The following DNMT3A variants were observed in gnomAD, a reference collection of about 807,000 sequenced individuals.
DNMT3A encodes the protein DNA methyltransferase 3 alpha.
DNMT3A carries 267 observed loss-of-function variants against 117.6 expected under a neutral mutation model. The observed-to-expected ratio is 2.27, with a 90% CI of 2.05 to 2.51. DNMT3A has a LOEUF of 2.51. Ranked by LOEUF, DNMT3A falls within the 30% of genes most tolerant of loss-of-function variation. The probability of loss-of-function intolerance (pLI) is 0.00; values close to 1 mark genes in which losing one functional copy is unlikely to be tolerated. For missense variants in DNMT3A, 1,029 were observed against 1,260.2 expected (o/e 0.82, Z 2.78); for synonymous variants, 432 against 474.8 (o/e 0.91, Z 1.17).
chr2:25,245,397 G>T, intron 12 of DNMT3A, 65 bp from the exon 13 acceptor site: 1 of 1,449,714 alleles, frequency 6.9e-7, no homozygotes, highest in Non-Finnish European at 9.5e-7. Flanking sequence ...CCGGGCCGGA[G>T]CCCAGCACCA....
Position 25,247,523 on chromosome 2 carries a change from C to A in DNMT3A, c.1014+68G>T. 1.3e-6 allele frequency: 2 copies of A among 1,579,428 alleles called. No individual in the cohort carries two copies. Among genetic ancestry groups the A allele is most frequent in the Non-Finnish European group, 8.6e-7 (1 of 1,160,780 alleles). On this transcript the variant is annotated intron_variant, in intron 8 of 22. Transcript: ENST00000321117. The surrounding 1 kb of genome is among the most constrained non-coding windows in gnomAD (Gnocchi z 5.6). ...ACCCCAATTCCAGACTGCCCCCAGC[C>A]AAAACCACAGGCCCTGGGATCAAGA...
intron 1 of DNMT3A, among the ~76,000 whole-genome samples, chr2:25,333,367 T>C (rs893929274): frequency 1.3e-5 from 2 of 151,668 alleles, no homozygotes; most frequent in African/African-American, 4.8e-5. Flanking sequence ...TCTCACTCTG[T>C]CGCCCAGGCT....
rs145465364 is a variant in DNMT3A, at chr2:25,246,051, G to C, written c.1443C>G (p.Tyr481Ter). The C allele has an allele frequency of 1.9e-6, 3 of 1,614,116 alleles. No individual in the cohort carries two copies. The highest frequency in any genetic ancestry group is 1.7e-5 in the Admixed American group (1 of 60,028). ...TGTTCCGGCACTTCTGCCGCACCTCGTACACCAGCCGCTCTGCAAGGGGAG... is the reference window on the plus strand; with the variant it reads ...TGTTCCGGCACTTCTGCCGCACCTCCTACACCAGCCGCTCTGCAAGGGGAG... ...IDERTRERLV[Y>*]EVRQKCRNIE... The change falls in exon 12 of 23, where the codon TAC (tyrosine) becomes TAG (stop). Residue 481 changes from tyrosine (Y) to a stop codon, truncating the protein, a stop_gained. Coordinates refer to ENST00000321117, the MANE Select transcript of DNMT3A (RefSeq NM_022552.5). LOFTEE classifies it high-confidence loss of function.
At chr2:25,341,091 A>C (rs2035412501) in intron 1 of DNMT3A, among the ~76,000 whole-genome samples, 2 of 137,024 alleles carry the variant, frequency 1.5e-5, no homozygotes, top group African/African-American at 2.6e-5. Flanking sequence ...ACCCCCAGCC[A>C]CAGGTGGCCG....
chr2:25,246,102 G>A (rs1042931083), intron 11 of DNMT3A, 38 bp from the exon 12 acceptor site: 7 of 1,614,202 alleles, frequency 4.3e-6, no homozygotes, highest in Non-Finnish European at 5.1e-6. Flanking sequence ...AGGAGGCCGC[G>A]CCTGCTCCTC....
At position 25,313,900 on chromosome 2, in the gene DNMT3A, G is replaced by A. The variant is rs1464048791; in HGVS notation, c.72+13C>T. ...CCCAGGCCAGAGGGTCCCCAGCAGA[G>A]CCCGCTGCTCACCTTTCGGTCCTCC... On this transcript the variant is annotated intron_variant, in intron 2 of 22. Coordinates refer to ENST00000321117, the MANE Select transcript of DNMT3A (RefSeq NM_022552.5). The A allele has an allele frequency of 6.5e-7, 1 of 1,549,110 alleles. No individual in the cohort carries two copies. The highest frequency in any genetic ancestry group is 2.3e-4 in the Middle Eastern group (1 of 4,376).
At chr2:25,323,010 C>A (rs1342312187) in intron 1 of DNMT3A, among the ~76,000 whole-genome samples, 1 of 152,004 alleles carries the variant, frequency 6.6e-6, no homozygotes, top group Non-Finnish European at 1.5e-5. Flanking sequence ...TTGTTCTGCT[C>A]TACCTAGATG....
In DNMT3A at chr2:25,244,278, AATGGCTGCCTG is replaced by A; in HGVS notation, c.1717_1727del (p.Gln573Ter). 1 of 1,613,382 alleles carries A rather than the reference AATGGCTGCCTG, an allele frequency of 6.2e-7. No individual in the cohort carries two copies. Among genetic ancestry groups the A allele is most frequent in the Non-Finnish European group, 8.5e-7 (1 of 1,179,786 alleles). ...TGTAGCAGTTCCAGGGGTCTTCCTTAATGGCTGCCTGGGCAGCCCCCGGCCCCACCAAGAGG... is the reference window on the plus strand; with the variant it reads ...TGTAGCAGTTCCAGGGGTCTTCCTTAGGCAGCCCCCGGCCCCACCAAGAGG... On this transcript the variant is annotated frameshift_variant, in exon 15 of 23. Transcript: ENST00000321117. LOFTEE classifies it high-confidence loss of function.
At chr2:25,295,212 T>G (rs2033017204) in intron 3 of DNMT3A, among the ~76,000 whole-genome samples, 1 of 152,002 alleles carries the variant, frequency 6.6e-6, no homozygotes, top group Non-Finnish European at 1.5e-5. Flanking sequence ...AGGCTGCCCC[T>G]TCCTCCCCAC....
intron 13 of DNMT3A, 64 bp downstream of exon 13, chr2:25,245,189 C>T: frequency 1.3e-6 from 2 of 1,505,104 alleles, no homozygotes; most frequent in Non-Finnish European, 1.8e-6. Context: ...GCGGTGGACA[C>T]AGTCAGCCAG....
intron 16 of DNMT3A, chr2:25,242,165 C>T (rs2149280449): frequency 5.6e-6 from 1 of 177,120 alleles, no homozygotes; most frequent in Non-Finnish European, 1.2e-5. Context: ...CTGGAATCAC[C>T]GCCCCCTCCG....
Position 25,281,505 on chromosome 2 carries a change from G to A in DNMT3A, c.448+936C>T, listed in dbSNP as rs1316029903. ...GTTCTCTATCCTGCATGAACATTAGGTTGGATCCATGCAAAATAAGTTACG... is the reference window on the plus strand; with the variant it reads ...GTTCTCTATCCTGCATGAACATTAGATTGGATCCATGCAAAATAAGTTACG... On this transcript the variant is annotated intron_variant, in intron 4 of 22. Coordinates refer to ENST00000321117, the MANE Select transcript of DNMT3A (RefSeq NM_022552.5). The surrounding 1 kb of genome is among the most constrained non-coding windows in gnomAD (Gnocchi z 4.8). 1 of 1,056,822 alleles carries A rather than the reference G, an allele frequency of 9.5e-7. No homozygotes were observed. Among genetic ancestry groups the A allele is most frequent in the Non-Finnish European group, 1.1e-6 (1 of 873,928 alleles). 65.5% of individuals were successfully genotyped at this position (1,056,822 alleles called of 1,614,324 possible). A position where few individuals can be genotyped will look rare whatever the true frequency, so the allele number is the denominator to read the frequency against.
rs143019657 is a variant in DNMT3A, at chr2:25,240,433, A to C, written c.2191T>G (p.Phe731Val). Residue 731 changes from phenylalanine to valine, a missense_variant, in exon 19 of 23, where the codon TTC (phenylalanine) becomes GTC (valine). Phe to Val is a conservative substitution (Grantham distance 50, BLOSUM62 -1). Transcript: ENST00000321117. ...TGCAGGAGGCGGTAGAACTCAAAGA[A>C]GAGCCGGCCAGTGCCCTCTGAGAGG... ...KGLYEGTGRLFFEFYRLLHDA... is the reference protein window; with the variant it reads ...KGLYEGTGRLVFEFYRLLHDA... The C allele has an allele frequency of 1.2e-6, 2 of 1,610,024 alleles. No homozygotes were observed. Among genetic ancestry groups the C allele is most frequent in the Non-Finnish European group, 8.5e-7 (1 of 1,177,938 alleles).
intron 6 of DNMT3A, among the ~76,000 whole-genome samples, chr2:25,271,345 C>T (rs910833242): frequency 2.6e-5 from 4 of 152,178 alleles, no homozygotes; most frequent in Non-Finnish European, 5.9e-5. Context: ...AGTGAAACTC[C>T]GTCTCAAAAA....
At chr2:25,332,938 A>G (rs1330288256) in intron 1 of DNMT3A, among the ~76,000 whole-genome samples, 4 of 152,260 alleles carry the variant, frequency 2.6e-5, no homozygotes, top group Admixed American at 2.6e-4. Context: ...AGAACCCAGC[A>G]AAGGCCACTC....
intron 1 of DNMT3A, among the ~76,000 whole-genome samples, chr2:25,340,493 C>T (rs1330848422): frequency 6.6e-6 from 1 of 151,944 alleles, no homozygotes; most frequent in South Asian, 2.1e-4. Context: ...GCCCTGGACC[C>T]GCGCCAGCCC....
chr2:25,314,597 C>T (rs917334200), intron 1 of DNMT3A: 13 of 985,234 alleles, frequency 1.3e-5, no homozygotes, highest in South Asian at 9.4e-5. Flanking sequence ...CCACACCTCC[C>T]GCCACGTGGA....
chr2:25,251,668 G>A (rs1675580765), intron 6 of DNMT3A, among the ~76,000 whole-genome samples: 1 of 152,190 alleles, frequency 6.6e-6, no homozygotes, highest in South Asian at 2.1e-4. Context: ...GGGTCGCACC[G>A]TGCTCTCCCG....
intron 2 of DNMT3A, among the ~76,000 whole-genome samples, chr2:25,309,796 G>A (rs986810698): frequency 6.6e-6 from 1 of 152,182 alleles, no homozygotes; most frequent in African/African-American, 2.4e-5. Context: ...GCTCACGCCT[G>A]TAATCCCAGC....
Sources: gnomAD v4.1 joint callset for allele counts (sites outside exome capture counted in the v4.1 genomes callset) on GRCh38, gnomAD v4.1.1 for gene constraint, Gnocchi (gnomAD v3.1) non-coding constraint, MANE v1.5 for transcripts, NCBI Gene and HGNC (gene_info 2026-07-23, HGNC 2026-07-21) for gene names.